Variants in RABGAP1 observed in about 807,000 individuals in gnomAD.
RABGAP1 encodes RAB GTPase activating protein 1.
In RABGAP1, 23 loss-of-function variants were observed where a neutral mutation model predicts 137.6. The ratio of observed to expected loss-of-function variants is 0.17; its 90% CI spans 0.12 to 0.24. The LOEUF (loss-of-function observed/expected upper bound fraction) is 0.24, where lower values mean the gene tolerates loss of function less well. RABGAP1 is among the 10% of genes least tolerant of loss of function. The pLI is 1.00. For missense variants in RABGAP1, 906 were observed against 1,275.8 expected (o/e 0.71, Z 4.42); for synonymous variants, 451 against 450.7 (o/e 1.00, Z -0.01).
At chr9:123,090,443 A>C in intron 21 of RABGAP1, 58 bp downstream of exon 21, 2 of 1,363,066 alleles carry the variant, frequency 1.5e-6, no homozygotes, top group South Asian at 1.4e-5. Context: ...TTTTCCCCTC[A>C]AGAGAAATCC....
intron 13 of RABGAP1, among the ~76,000 whole-genome samples, chr9:123,050,961 T>C (rs945719405): frequency 4.0e-5 from 6 of 151,820 alleles, no homozygotes; most frequent in Non-Finnish European, 7.4e-5. Context: ...GTTTGTTTTC[T>C]TTTTTTTGAC....
chr9:123,043,900 CTTT>C (rs1186243080), intron 13 of RABGAP1, among the ~76,000 whole-genome samples: 7 of 129,422 alleles, frequency 5.4e-5, no homozygotes, highest in Admixed American at 7.7e-5. Context: ...GTATTATTTT[CTTT>C]TTTTTTTTTT....
the RABGAP1 span, among the ~76,000 whole-genome samples, chr9:122,933,999 C>G: frequency 6.6e-6 from 1 of 152,036 alleles, no homozygotes; most frequent in Non-Finnish European, 1.5e-5. Flanking sequence ...GACTCCTGGC[C>G]TCAAGCTATC....
upstream of RABGAP1, chr9:122,937,981 C>G (rs555352811): frequency 6.6e-6 from 1 of 151,776 alleles, no homozygotes; most frequent in African/African-American, 2.4e-5. Context: ...CAGAGCGAGA[C>G]TCTTAGAAAA....
At chr9:122,996,407 C>A in intron 7 of RABGAP1, 132 bp from the exon 8 acceptor site, 1 of 1,101,680 alleles carries the variant, frequency 9.1e-7, no homozygotes, top group Non-Finnish European at 1.3e-6. Flanking sequence ...ATTATTTTAG[C>A]AACACAAATT....
intron 1 of RABGAP1, among the ~76,000 whole-genome samples, chr9:122,942,686 A>C (rs1252327540): frequency 6.6e-6 from 1 of 151,082 alleles, no homozygotes; most frequent in African/African-American, 2.4e-5. Context: ...AAAAAAAAAA[A>C]AACACAAAAA....
chr9:123,095,689 G>C (rs1032164312), intron 21 of RABGAP1, among the ~76,000 whole-genome samples: 1 of 151,308 alleles, frequency 6.6e-6, no homozygotes, highest in African/African-American at 2.4e-5. Context: ...GCAACAGAAT[G>C]TGACCCTGTG....
Position 123,070,326 on chromosome 9 carries a change from T to C in RABGAP1, c.1909-24T>C. On this transcript the variant is annotated intron_variant, in intron 14 of 25. Coordinates refer to ENST00000373647, the MANE Select transcript of RABGAP1 (RefSeq NM_012197.4). This position sits in a 1 kb window ranked among gnomAD's most constrained non-coding sequence, Gnocchi z 4.4. ...ACAAGTGGCTACATTCATTTACATT[T>C]CCTCTGTGTGTTTTATTTTCCAGGC... 2 of 1,613,654 alleles carry C rather than the reference T, an allele frequency of 1.2e-6. No homozygotes were observed. The highest frequency in any genetic ancestry group is 1.7e-6 in the Non-Finnish European group (2 of 1,179,794).
intron 6 of RABGAP1, among the ~76,000 whole-genome samples, chr9:122,992,448 G>T (rs1836779898): frequency 6.6e-6 from 1 of 151,964 alleles, no homozygotes; most frequent in South Asian, 2.1e-4. Context: ...CCTTCCTTCT[G>T]AAATCAGGCA....
intron 10 of RABGAP1, among the ~76,000 whole-genome samples, chr9:123,001,077 T>G (rs776248725): frequency 6.6e-6 from 1 of 151,850 alleles, no homozygotes; most frequent in Non-Finnish European, 1.5e-5. Context: ...CTCGAACTCC[T>G]GACCTCGTGA....
At chr9:123,027,202 C>T (rs1368164588) in intron 13 of RABGAP1, among the ~76,000 whole-genome samples, 2 of 151,456 alleles carry the variant, frequency 1.3e-5, no homozygotes, top group South Asian at 2.1e-4. Context: ...CTGGAACTTC[C>T]GCCTCCCAGG....
chr9:123,006,418 C>A (rs2030268039), intron 10 of RABGAP1, among the ~76,000 whole-genome samples: 1 of 152,040 alleles, frequency 6.6e-6, no homozygotes. Context: ...AATCTTTTTC[C>A]AAATGGCTAT....
Position 123,069,068 on chromosome 9 carries a change from A to G in RABGAP1, c.1909-1282A>G, listed in dbSNP as rs1338995553. On this transcript the variant is annotated intron_variant, in intron 14 of 25. Coordinates refer to ENST00000373647, the MANE Select transcript of RABGAP1 (RefSeq NM_012197.4). The stretch of plus-strand genomic sequence containing the variant: ...AACTGCAAATACCAGTCATAAAAAC[A>G]GAACTCTGAAAAAGAACTAAAAAAC... 2.0e-5 allele frequency among the ~76,000 whole-genome samples: 3 copies of G among 152,254 alleles called. No individual in the cohort carries two copies. In the East Asian group the frequency reaches 5.8e-4, roughly 29 times the overall value.
chr9:123,090,413 A>T, intron 21 of RABGAP1, 28 bp downstream of exon 21: 2 of 1,532,292 alleles, frequency 1.3e-6, no homozygotes, highest in Admixed American at 1.8e-5. Context: ...GAAGGGAAAG[A>T]TCTCACTGAG....
intron 13 of RABGAP1, among the ~76,000 whole-genome samples, chr9:123,051,601 A>G (rs919510185): frequency 2.0e-5 from 3 of 151,572 alleles, no homozygotes; most frequent in Non-Finnish European, 4.4e-5. Context: ...ACATGTTACT[A>G]GGGCCTTTAG....
At chr9:123,039,454 G>A (rs1316909616) in intron 13 of RABGAP1, among the ~76,000 whole-genome samples, 1 of 152,184 alleles carries the variant, frequency 6.6e-6, no homozygotes, top group Non-Finnish European at 1.5e-5. Context: ...ATTATTGCAT[G>A]TAGTCACACC....
intron 13 of RABGAP1, among the ~76,000 whole-genome samples, chr9:123,040,984 T>C (rs571837749): frequency 6.6e-6 from 1 of 152,254 alleles, no homozygotes; most frequent in South Asian, 2.1e-4. Context: ...CCTAATCCGT[T>C]GCTCTTTTGT....
At chr9:123,051,548 C>T (rs575076039) in intron 13 of RABGAP1, among the ~76,000 whole-genome samples, 8 of 151,242 alleles carry the variant, frequency 5.3e-5, no homozygotes, top group African/African-American at 1.9e-4. Flanking sequence ...CGCCTGGCCT[C>T]ACCTTGGTTT....
intron 2 of RABGAP1, among the ~76,000 whole-genome samples, chr9:122,961,182 T>A (rs1449962): frequency 0.62 from 94,956 of 152,094 alleles, 36,766 homozygotes; most frequent in Non-Finnish European, 0.86. Context: ...TTCAATGAAC[T>A]CCATGTAGGA....
Sources: allele counts gnomAD v4.1 joint callset (sites outside exome capture counted in the v4.1 genomes callset), GRCh38; gene constraint gnomAD v4.1.1; non-coding constraint Gnocchi (gnomAD v3.1); transcripts MANE v1.5; gene names NCBI Gene and HGNC (gene_info 2026-07-23, HGNC 2026-07-21).